Variants in MAML2 observed in about 807,000 individuals in gnomAD.
MAML2 encodes mastermind like transcriptional coactivator 2.
A neutral mutation model predicts 96.1 loss-of-function variants in MAML2; 22 were observed. That is an observed-to-expected ratio of 0.23 (90% CI 0.16 to 0.33). The LOEUF (loss-of-function observed/expected upper bound fraction) is 0.33. Among genes scored for constraint, MAML2 ranks in the 10% least tolerant of loss-of-function variants. MAML2 has a pLI of 1.00. For synonymous variants in MAML2, 561 were observed against 521.3 expected, an observed-to-expected ratio of 1.08 and a Z score of -1.04; for missense variants, 1,367 against 1,392.4, an observed-to-expected ratio of 0.98 and a Z score of 0.29.
At chr11:96,074,448 G>T (rs751991923) in intron 2 of MAML2, among the ~76,000 whole-genome samples, 9 of 152,240 alleles carry the variant, frequency 5.9e-5, no homozygotes, top group Non-Finnish European at 1.3e-4. Context: ...TCTGCAAGAT[G>T]TAATTTCTCT....
intron 1 of MAML2, among the ~76,000 whole-genome samples, chr11:96,189,594 T>A (rs958082152): frequency 1.3e-5 from 2 of 152,256 alleles, no homozygotes; most frequent in African/African-American, 4.8e-5. Context: ...CTGTTTTTCT[T>A]CTGACAGATT....
At position 96,047,148 on chromosome 11, in the gene MAML2, G is replaced by A. The variant is rs186210694; in HGVS notation, c.2139+44744C>T. 1.6e-3 allele frequency among the ~76,000 whole-genome samples: 242 copies of A among 152,306 alleles called. 1 individual carries two copies. The highest frequency in any genetic ancestry group is 3.0e-3 in the Non-Finnish European group (203 of 68,032). On this transcript the variant is annotated intron_variant, in intron 2 of 4. Transcript: ENST00000524717. The stretch of plus-strand genomic sequence containing the variant: ...TCAGTTTCCAACTGACAGGAGTATA[G>A]TGTCCACATAGATGTTGTTTACTCC...
chr11:96,130,752 A>G (rs1860533977), intron 1 of MAML2, among the ~76,000 whole-genome samples: 1 of 149,774 alleles, frequency 6.7e-6, no homozygotes. Flanking sequence ...ATTTTACTTG[A>G]CCAAATTGTT....
intron 1 of MAML2, among the ~76,000 whole-genome samples, chr11:96,185,128 A>G (rs1861553483): frequency 6.6e-6 from 1 of 152,162 alleles, no homozygotes; most frequent in African/African-American, 2.4e-5. Context: ...TGAGTGAGAA[A>G]TGGTCCACCG....
chr11:96,035,565 A>G (rs189363173), intron 2 of MAML2, among the ~76,000 whole-genome samples: 1 of 152,356 alleles, frequency 6.6e-6, no homozygotes, highest in East Asian at 1.9e-4. Flanking sequence ...TCACTGGGCA[A>G]CAGTAACTAA....
At chr11:96,091,558 T>G (rs755545211) in intron 2 of MAML2, among the ~76,000 whole-genome samples, 1 of 152,156 alleles carries the variant, frequency 6.6e-6, no homozygotes, top group Non-Finnish European at 1.5e-5. Context: ...GCACATTGAC[T>G]TAATGACTAA....
At chr11:96,222,711 C>T (rs920074682) in intron 1 of MAML2, among the ~76,000 whole-genome samples, 62 of 152,088 alleles carry the variant, frequency 4.1e-4, no homozygotes, top group African/African-American at 1.4e-3. Context: ...GGCCAAAGAA[C>T]ATCTTGTAAT....
chr11:96,129,769 C>G (rs560526271), intron 1 of MAML2, among the ~76,000 whole-genome samples: 1 of 152,180 alleles, frequency 6.6e-6, no homozygotes, highest in African/African-American at 2.4e-5. Context: ...TCAGCCCTTA[C>G]TCCTCCTCCT....
At chr11:95,982,835 T>TG (rs141558036) in intron 4 of MAML2, among the ~76,000 whole-genome samples, 2 of 152,188 alleles carry the variant, frequency 1.3e-5, no homozygotes, top group Non-Finnish European at 2.9e-5. Context: ...TTCCTATGGC[T>TG]GTATTTTAGA....
At chr11:96,068,288 C>T (rs184448516) in intron 2 of MAML2, among the ~76,000 whole-genome samples, 187 of 152,220 alleles carry the variant, frequency 1.2e-3, no homozygotes, top group African/African-American at 4.3e-3. Context: ...GACCTGGGTT[C>T]GTTGTCTTTG....
intron 1 of MAML2, among the ~76,000 whole-genome samples, chr11:96,228,277 C>G (rs1862243250): frequency 6.6e-6 from 1 of 152,178 alleles, no homozygotes; most frequent in Non-Finnish European, 1.5e-5. Flanking sequence ...TCACTCCCTC[C>G]AGCCATCACC....
chr11:96,086,273 G>A (rs949669364), intron 2 of MAML2, among the ~76,000 whole-genome samples: 3 of 152,140 alleles, frequency 2.0e-5, no homozygotes, highest in Non-Finnish European at 2.9e-5. Context: ...TCATATGAAC[G>A]AATGAAGGCA....
At chr11:95,992,598 T>G (rs1326885547) in intron 2 of MAML2, among the ~76,000 whole-genome samples, 1 of 152,244 alleles carries the variant, frequency 6.6e-6, no homozygotes, top group African/African-American at 2.4e-5. Context: ...GTTATCACCT[T>G]AGAGAATTTA....
intron 1 of MAML2, among the ~76,000 whole-genome samples, chr11:96,285,252 T>C (rs1182103200): frequency 1.3e-5 from 2 of 152,118 alleles, no homozygotes; most frequent in African/African-American, 4.8e-5. Context: ...ACTTAGAATA[T>C]GAATCCCACG....
At chr11:96,048,698 T>C (rs1858945784) in intron 2 of MAML2, among the ~76,000 whole-genome samples, 1 of 152,200 alleles carries the variant, frequency 6.6e-6, no homozygotes, top group South Asian at 2.1e-4. Context: ...GTCTTTCTTT[T>C]TTTTTCCTTC....
At chr11:96,328,470 ATCTTGC>A (rs1355226277) in intron 1 of MAML2, among the ~76,000 whole-genome samples, 1 of 151,976 alleles carries the variant, frequency 6.6e-6, no homozygotes, top group African/African-American at 2.4e-5. Context: ...TGCTAGTTAC[ATCTTGC>A]TCTGTTGTTG....
At chr11:96,001,754 T>C (rs1475084732) in intron 2 of MAML2, among the ~76,000 whole-genome samples, 1 of 152,184 alleles carries the variant, frequency 6.6e-6, no homozygotes, top group Non-Finnish European at 1.5e-5. Flanking sequence ...CTTCACTAAC[T>C]TTGGGATCAC....
intron 1 of MAML2, among the ~76,000 whole-genome samples, chr11:96,155,060 T>C (rs1860989103): frequency 6.6e-6 from 1 of 152,180 alleles, no homozygotes. Flanking sequence ...GTAAGTCTCA[T>C]CAAGCAGGCC....
Position 96,051,629 on chromosome 11 carries a change from C to T in MAML2, c.2139+40263G>A, listed in dbSNP as rs1858992453. On this transcript the variant is annotated intron_variant, in intron 2 of 4. Coordinates refer to ENST00000524717, the MANE Select transcript of MAML2 (RefSeq NM_032427.4). ...TGTGCAACTAAATAGAGGTTCACAT[C>T]AAGGACTTCATTCAACAGTTTTCTA... Among the ~76,000 whole-genome samples the T allele has an allele frequency of 2.0e-5, 3 of 152,120 alleles. No homozygotes were observed. The South Asian group carries it at 6.2e-4, about 32-fold the overall frequency.
Sources: allele counts gnomAD v4.1 joint callset (sites outside exome capture counted in the v4.1 genomes callset), GRCh38; gene constraint gnomAD v4.1.1; transcripts MANE v1.5; gene names NCBI Gene and HGNC (gene_info 2026-07-23, HGNC 2026-07-21).